The following KATNIP variants were observed in gnomAD, a reference collection of about 807,000 sequenced individuals.
KATNIP encodes katanin interacting protein.
A neutral mutation model predicts 174.0 loss-of-function variants in KATNIP; 126 were observed. The ratio of observed to expected loss-of-function variants is 0.72; its 90% CI spans 0.63 to 0.84. KATNIP has a LOEUF of 0.84. Ranked by LOEUF, KATNIP falls within the 40% of genes least tolerant of loss-of-function variation. The pLI is 0.00. For missense variants in KATNIP, 1,958 were observed against 2,109.7 expected (o/e 0.93, Z 1.41); for synonymous variants, 810 against 835.7 (o/e 0.97, Z 0.53).
intron 12 of KATNIP, among the ~76,000 whole-genome samples, chr16:27,705,112 T>C (rs1211496002): frequency 1.3e-5 from 2 of 152,116 alleles, no homozygotes; most frequent in African/African-American, 4.8e-5. Flanking sequence ...GTTTTTGCCA[T>C]GTTGGCCAGG....
intron 6 of KATNIP, among the ~76,000 whole-genome samples, chr16:27,658,743 G>T (rs965134382): frequency 2.0e-5 from 3 of 151,928 alleles, no homozygotes; most frequent in African/African-American, 4.8e-5. Context: ...TGTACTATAG[G>T]TCAATTTGTT....
intron 2 of KATNIP, among the ~76,000 whole-genome samples, chr16:27,581,809 C>A (rs556923210): frequency 6.6e-6 from 1 of 152,180 alleles, no homozygotes; most frequent in African/African-American, 2.4e-5. Context: ...ATCCTCATAG[C>A]TTAGCTCCCA....
chr16:27,751,957 C>A, intron 17 of KATNIP, 33 bp downstream of exon 17: 1 of 1,555,210 alleles, frequency 6.4e-7, no homozygotes, highest in Non-Finnish European at 8.7e-7. Context: ...GTGGGGGGAC[C>A]CCCAGATAGG....
At chr16:27,745,867 A>G (rs1270346786) in intron 15 of KATNIP, among the ~76,000 whole-genome samples, 1 of 151,458 alleles carries the variant, frequency 6.6e-6, no homozygotes, top group Non-Finnish European at 1.5e-5. Context: ...CAATTCCCCA[A>G]TTCCCATGGA....
chr16:27,703,217 CA>C (rs1454640256), intron 11 of KATNIP, among the ~76,000 whole-genome samples: 4 of 151,978 alleles, frequency 2.6e-5, no homozygotes, highest in Admixed American at 2.6e-4. Context: ...GGATATTTTA[CA>C]TCTGATGCAG....
intron 1 of KATNIP, among the ~76,000 whole-genome samples, chr16:27,566,339 G>T (rs999504997): frequency 3.0e-4 from 46 of 152,124 alleles, no homozygotes; most frequent in African/African-American, 1.1e-3. Context: ...AGGAGTTCGA[G>T]ACCAGCCTGG....
At chr16:27,574,020 G>A in intron 2 of KATNIP, 64 bp downstream of exon 2, 5 of 1,462,750 alleles carry the variant, frequency 3.4e-6, no homozygotes, top group Non-Finnish European at 4.8e-6. Context: ...TGAGGGAGCA[G>A]GGTGGCGAAT....
rs1485143881 is a variant in KATNIP, at chr16:27,677,764, A to G, written c.576A>G (p.Leu192=). The change falls in exon 7 of 28, where the codon CTA becomes CTG. Residue 192 remains leucine (L), a synonymous_variant. Coordinates refer to ENST00000261588, the MANE Select transcript of KATNIP (RefSeq NM_015202.5). The part of the protein sequence containing the change: ...LRRSLELSVN[L]QRKQKDCSSD... ...GAAGCCTGGAACTTAGTGTAAATCT[A>G]CAAAGGAAACAAAAGGATTGTTCCA... 2.5e-6 allele frequency: 4 copies of G among 1,613,212 alleles called. No individual in the cohort carries two copies. The highest frequency in any genetic ancestry group is 3.4e-6 in the Non-Finnish European group (4 of 1,179,160).
At chr16:27,656,252 T>C (rs961065218) in intron 6 of KATNIP, among the ~76,000 whole-genome samples, 13 of 151,486 alleles carry the variant, frequency 8.6e-5, no homozygotes, top group African/African-American at 3.1e-4. Flanking sequence ...ATAGGGAGAC[T>C]CCATCTCTAC....
chr16:27,699,383 G>T (rs572004767), intron 9 of KATNIP, 151 bp from the exon 10 acceptor site: 24 of 1,375,340 alleles, frequency 1.7e-5, no homozygotes, highest in Non-Finnish European at 2.3e-5. Context: ...ACTATTGTCT[G>T]TGTTCCCAGA....
At chr16:27,706,736 C>T (rs74016988) in intron 12 of KATNIP, among the ~76,000 whole-genome samples, 1,687 of 152,332 alleles carry the variant, frequency 0.011, 27 homozygotes, top group African/African-American at 0.038. Context: ...CTCTGAAAGG[C>T]AGCCTGCCTC....
rs747237449 is a variant in KATNIP, at chr16:27,703,979, A to T, written c.1370A>T (p.Glu457Val). 1.2e-6 allele frequency: 2 copies of T among 1,614,110 alleles called. No homozygotes were observed. The highest frequency in any genetic ancestry group is 8.5e-7 in the Non-Finnish European group (1 of 1,179,940). ...HLGRVVSPTK[E>V]QVSDTEDKQR... ...GGCAGGGTGGTTTCACCAACCAAGG[A>T]GCAAGTATCAGACACAGAGGTGAGA... The change falls in exon 12 of 28, where the codon GAG becomes GTG. Residue 457 changes from glutamate to valine, a missense_variant. Around this residue, in one of 3 missense-constraint regions of KATNIP, gnomAD observed 1,557 missense variants for 1,617.8 expected, o/e 0.96. Transcript: ENST00000261588.
intron 1 of KATNIP, among the ~76,000 whole-genome samples, chr16:27,562,513 A>C: frequency 6.6e-6 from 1 of 152,170 alleles, no homozygotes. Flanking sequence ...ACGTTTCTCA[A>C]GGCAGATTGG....
intron 20 of KATNIP, among the ~76,000 whole-genome samples, chr16:27,767,282 G>T (rs2082158394): frequency 6.6e-6 from 1 of 152,156 alleles, no homozygotes; most frequent in Non-Finnish European, 1.5e-5. Flanking sequence ...TCTATAAAAT[G>T]AGGAGGGAAT....
Position 27,773,159 on chromosome 16 carries a change from G to T in KATNIP, c.4259G>T (p.Gly1420Val), listed in dbSNP as rs1265663435. The T allele has an allele frequency of 6.2e-7, 1 of 1,612,556 alleles. No homozygotes were observed. The highest frequency in any genetic ancestry group is 8.5e-7 in the Non-Finnish European group (1 of 1,179,388). ...WGDPYYIGLT[G>V]LELYDERGEK... ...GACCCCTACTACATCGGCCTCACCG[G>T]CCTGGAGCTGTATGACGAGCGAGGA... Residue 1420 changes from glycine (G) to valine (V), a missense_variant, in exon 23 of 28, where the codon GGC (glycine) becomes GTC (valine). Physicochemically the swap from Gly to Val is moderately radical, Grantham distance 109. Transcript: ENST00000261588.
chr16:27,708,182 CTT>C (rs75510688), intron 12 of KATNIP, among the ~76,000 whole-genome samples: 1 of 145,942 alleles, frequency 6.9e-6, no homozygotes, highest in Non-Finnish European at 1.5e-5. Flanking sequence ...GTGCCAAGCT[CTT>C]TTTTTTTTTT....
intron 15 of KATNIP, among the ~76,000 whole-genome samples, chr16:27,746,794 C>G (rs2081311638): frequency 6.6e-6 from 1 of 151,986 alleles, no homozygotes. Flanking sequence ...GCTGAAAGAT[C>G]ATGGTGGGGA....
At chr16:27,610,001 T>A (rs925959543) in intron 2 of KATNIP, among the ~76,000 whole-genome samples, 2 of 151,788 alleles carry the variant, frequency 1.3e-5, no homozygotes, top group Non-Finnish European at 2.9e-5. Context: ...GCTTGGCGGG[T>A]GTTGAGGACA....
intron 7 of KATNIP, 110 bp from the exon 8 acceptor site, chr16:27,681,289 C>T (rs951344979): frequency 2.0e-5 from 27 of 1,384,084 alleles, no homozygotes; most frequent in Middle Eastern, 3.6e-4. Context: ...AAAGTAGTTC[C>T]GTAGACATTT....
Sources: allele counts gnomAD v4.1 joint callset (sites outside exome capture counted in the v4.1 genomes callset), GRCh38; gene constraint gnomAD v4.1.1; regional missense constraint gnomAD v4.1.1; transcripts MANE v1.5; gene names NCBI Gene and HGNC (gene_info 2026-07-23, HGNC 2026-07-21).